Variants in CEP68 observed in about 807,000 individuals in gnomAD.
CEP68 encodes the protein centrosomal protein 68, also known as centrosomal protein of 68 kDa.
Under a neutral mutation model 55.3 loss-of-function variants are expected in CEP68, and 26 were observed. The observed-to-expected ratio is 0.47, with a 90% CI of 0.34 to 0.65. The LOEUF (loss-of-function observed/expected upper bound fraction) is 0.65. CEP68 is among the 30% of genes least tolerant of loss of function. The pLI is 0.01. For missense variants in CEP68, 957 were observed against 946.7 expected, an observed-to-expected ratio of 1.01 and a Z score of -0.14; for synonymous variants, 402 against 383.2, an observed-to-expected ratio of 1.05 and a Z score of -0.57.
In CEP68 at chr2:65,074,401, C is replaced by A; in HGVS notation, c.2004C>A (p.Tyr668Ter). The A allele has an allele frequency of 6.2e-7, 1 of 1,614,090 alleles. No individual in the cohort carries two copies. Among genetic ancestry groups the A allele is most frequent in the Non-Finnish European group, 8.5e-7 (1 of 1,179,962 alleles). ...GTCTCAAGTCTTCTCTGCAGCTTTA[C>A]CGGGTAATATGCGGTCCTGGCTCTG... ...LTSLKSSLQL[Y>*]RQFKKDIDEH... The change falls in exon 4 of 7, where the codon TAC becomes TAA. Residue 668 changes from tyrosine to a stop codon, truncating the protein, a stop_gained. Coordinates refer to ENST00000377990, the MANE Select transcript of CEP68 (RefSeq NM_015147.3). LOFTEE classifies it high-confidence loss of function.
At position 65,072,280 on chromosome 2, in the gene CEP68, G is replaced by A. The variant is rs753719759; in HGVS notation, c.1184G>A (p.Ser395Asn). The A allele has an allele frequency of 7.4e-6, 12 of 1,613,978 alleles. No homozygotes were observed. Among genetic ancestry groups the A allele is most frequent in the South Asian group, 2.2e-5 (2 of 91,080 alleles). ...GGTGGCATGGGCTTGGCATCTTGGA[G>A]CCAACTTGCATCTACCCCCAGAGCC... The part of the protein sequence containing the change: ...KQGGMGLASW[S>N]QLASTPRAPG... The change falls in exon 3 of 7, where the codon AGC becomes AAC. Residue 395 changes from serine (S) to asparagine (N), a missense_variant. Ser to Asn is a conservative substitution (Grantham distance 46). Transcript: ENST00000377990.
intron 4 of CEP68, 57 bp from the exon 5 acceptor site, chr2:65,077,811 G>T: frequency 7.4e-7 from 1 of 1,346,420 alleles, no homozygotes; most frequent in South Asian, 1.2e-5. Flanking sequence ...TTCAAATAAC[G>T]TTTACAAAAC....
intron 5 of CEP68, among the ~76,000 whole-genome samples, chr2:65,081,609 T>C (rs1168253712): frequency 1.3e-5 from 2 of 152,364 alleles, no homozygotes; most frequent in Non-Finnish European, 2.9e-5. Flanking sequence ...AGATGCACTC[T>C]GACCCTAGCC....
At chr2:65,073,050 A>G (rs745950220) in intron 3 of CEP68, 70 bp downstream of exon 3, 5 of 1,522,124 alleles carry the variant, frequency 3.3e-6, no homozygotes, top group Admixed American at 3.4e-5. Flanking sequence ...CACTAACATC[A>G]TAATAAAACA....
intron 1 of CEP68, among the ~76,000 whole-genome samples, chr2:65,060,260 T>G (rs1186326093): frequency 6.6e-6 from 1 of 152,184 alleles, no homozygotes; most frequent in South Asian, 2.1e-4. Flanking sequence ...CCAGTACTTA[T>G]AAAGTGAAAA....
intron 5 of CEP68, among the ~76,000 whole-genome samples, chr2:65,078,459 CTCAG>C (rs1197019936): frequency 6.6e-6 from 1 of 152,156 alleles, no homozygotes; most frequent in Admixed American, 6.6e-5. Context: ...TCAGTCTGTC[CTCAG>C]GGAACAGATT....
intron 4 of CEP68, 108 bp downstream of exon 4, chr2:65,074,512 G>A: frequency 1.3e-6 from 2 of 1,487,542 alleles, no homozygotes; most frequent in Non-Finnish European, 1.9e-6. Context: ...TTATAGCTCA[G>A]TTGACTATTA....
rs151152817 is a variant in CEP68 at position 65,064,516 on chromosome 2, C to T, written c.-46-4883C>T. On this transcript the variant is annotated intron_variant, in intron 1 of 6. Coordinates refer to ENST00000377990, the MANE Select transcript of CEP68 (RefSeq NM_015147.3). ...TTGGGAGGCCGAGGCAGGCAGATCA[C>T]GATGTCAGGAGATCGAGACCATCCT... Among the ~76,000 whole-genome samples, 634 of 152,126 alleles carry T rather than the reference C, an allele frequency of 4.2e-3. 1 individual carries two copies. The highest frequency in any genetic ancestry group is 0.01 in the Middle Eastern group (3 of 294).
At chr2:65,056,635 C>T (rs1441034138) in intron 1 of CEP68, 107 bp downstream of exon 1, 1 of 152,052 alleles carries the variant, frequency 6.6e-6, no homozygotes, top group African/African-American at 2.4e-5. Context: ...CCCCGCGTCT[C>T]TTCGGTGCCT....
intron 3 of CEP68, 104 bp downstream of exon 3, chr2:65,073,084 T>C (rs940359455): frequency 6.4e-6 from 8 of 1,246,322 alleles, no homozygotes; most frequent in Non-Finnish European, 2.3e-6. Context: ...CAGGCACTTT[T>C]TATGTGCCAG....
At chr2:65,082,737 T>G (rs772615344) in intron 6 of CEP68, 28 bp downstream of exon 6, 1 of 1,514,648 alleles carries the variant, frequency 6.6e-7, no homozygotes, top group South Asian at 1.3e-5. Context: ...AAAAGAAAAT[T>G]TGCCCACCAA....
intron 4 of CEP68, 34 bp downstream of exon 4, chr2:65,074,438 C>T: frequency 1.9e-6 from 3 of 1,613,826 alleles, no homozygotes; most frequent in African/African-American, 2.7e-5. Context: ...CTTGTTCCCT[C>T]ACAAGAGTGT....
intron 1 of CEP68, among the ~76,000 whole-genome samples, chr2:65,057,040 G>GA (rs1675651371): frequency 7.7e-6 from 1 of 129,050 alleles, no homozygotes; most frequent in South Asian, 2.5e-4. Context: ...GATGCGGAGA[G>GA]AAAAAATCAA....
At chr2:65,068,045 C>G (rs1202653761) in intron 1 of CEP68, among the ~76,000 whole-genome samples, 2 of 152,174 alleles carry the variant, frequency 1.3e-5, no homozygotes. Flanking sequence ...CCAGCATCTC[C>G]TCTTACCATC....
intron 1 of CEP68, among the ~76,000 whole-genome samples, chr2:65,065,041 T>A (rs1676097685): frequency 6.6e-6 from 1 of 152,220 alleles, no homozygotes; most frequent in Non-Finnish European, 1.5e-5. Context: ...CATAAACAGC[T>A]TGGGCTCTGG....
In CEP68 at chr2:65,082,523, A is replaced by G. The variant is rs1668879250; in HGVS notation, c.2105-13A>G. 5.3e-6 allele frequency: 8 copies of G among 1,516,858 alleles called. No homozygotes were observed. The East Asian group carries it at 2.0e-4, about 37-fold the overall frequency. 94.0% of individuals were successfully genotyped at this position (1,516,858 alleles called of 1,614,324 possible). A position where few individuals can be genotyped will look rare whatever the true frequency, so the allele number is the denominator to read the frequency against. On this transcript the variant is annotated splice_polypyrimidine_tract_variant and intron_variant, in intron 5 of 6. Transcript: ENST00000377990. ...TTTATTTCTGGTTTAATTTCTTTGA[A>G]CCTCATTGTTAGTTTTAGAGGATGT...
chr2:65,077,770 G>A, intron 4 of CEP68, 98 bp from the exon 5 acceptor site: 2 of 800,406 alleles, frequency 2.5e-6, no homozygotes, highest in Non-Finnish European at 2.0e-6. Flanking sequence ...ACACATTAGA[G>A]GGGAATAAGG....
chr2:65,072,479 G>T lies in CEP68; in HGVS notation c.1383G>T (p.Arg461=). 1 of 1,614,122 alleles carries T rather than the reference G, an allele frequency of 6.2e-7. No individual in the cohort carries two copies. Residue 461 remains arginine, a synonymous_variant, in exon 3 of 7, where the codon CGG becomes CGT. Transcript: ENST00000377990. Reference sequence around the variant, plus strand: ...AGAAGAGGACCAGCCAGAGTGCCCGGCGCCCTACCTGCACAGAGTCTAGGT... The same window carrying T: ...AGAAGAGGACCAGCCAGAGTGCCCGTCGCCCTACCTGCACAGAGTCTAGGT... ...EREKRTSQSA[R]RPTCTESRWK... is the part of the protein sequence containing the mutation.
At position 65,072,720 on chromosome 2, in the gene CEP68, G is replaced by A; in HGVS notation, c.1624G>A (p.Gly542Arg). The change falls in exon 3 of 7, where the codon GGA becomes AGA. Residue 542 changes from glycine (G) to arginine (R), a missense_variant. Coordinates refer to ENST00000377990, the MANE Select transcript of CEP68 (RefSeq NM_015147.3). ...SSSSQSQLPP[G>R]AALQGSGDPE... is the part of the protein sequence containing the mutation. ...CTCCAGCCAAAGCCAGCTTCCCCCT[G>A]GAGCTGCCCTCCAAGGATCTGGGGA... is the stretch of plus-strand genomic sequence containing the variant. 1.9e-6 allele frequency: 3 copies of A among 1,614,092 alleles called. No homozygotes were observed. The highest frequency in any genetic ancestry group is 1.7e-6 in the Non-Finnish European group (2 of 1,180,008).
Sources: allele counts gnomAD v4.1 joint callset (sites outside exome capture counted in the v4.1 genomes callset), GRCh38; gene constraint gnomAD v4.1.1; transcripts MANE v1.5; gene names NCBI Gene and HGNC (gene_info 2026-07-23, HGNC 2026-07-21).